Variants in SLC12A6 observed in about 807,000 individuals in gnomAD.
The protein encoded by SLC12A6 is K-Cl cotransporter 3.
A neutral mutation model predicts 135.3 loss-of-function variants in SLC12A6; 66 were observed. The observed-to-expected ratio is 0.49, with a 90% CI of 0.40 to 0.60. The LOEUF (loss-of-function observed/expected upper bound fraction) is 0.60. Among genes scored for constraint, SLC12A6 ranks in the 20% least tolerant of loss-of-function variants. The probability of loss-of-function intolerance (pLI) is 0.00; values close to 1 mark genes in which losing one functional copy is unlikely to be tolerated. For missense variants in SLC12A6, 1,058 were observed against 1,452.3 expected, an observed-to-expected ratio of 0.73 and a Z score of 4.41; for synonymous variants, 513 against 508.8, an observed-to-expected ratio of 1.01 and a Z score of -0.11.
intron 3 of SLC12A6, among the ~76,000 whole-genome samples, chr15:34,263,906 T>G (rs1893325656): frequency 6.6e-6 from 1 of 151,746 alleles, no homozygotes; most frequent in Non-Finnish European, 1.5e-5. Context: ...TGGATTGAAA[T>G]GCAAATTTAT....
At chr15:34,257,945 A>C in intron 5 of SLC12A6, 157 bp from the exon 6 acceptor site, 58 of 616,770 alleles carry the variant, frequency 9.4e-5, no homozygotes, top group Non-Finnish European at 1.3e-4. Flanking sequence ...TAAAATCTCC[A>C]TCTTTCAAGT....
In SLC12A6 at chr15:34,245,380, A is replaced by G. The variant is rs2140689987; in HGVS notation, c.1848T>C (p.Asn616=). 1 of 1,611,792 alleles carries G rather than the reference A, an allele frequency of 6.2e-7. No individual in the cohort carries two copies. Among genetic ancestry groups the G allele is most frequent in the Non-Finnish European group, 8.5e-7 (1 of 1,177,816 alleles). ...FLRVFGHSKA[N]GEPTWALLLT... is the part of the protein sequence containing the mutation. Reference sequence around the variant, plus strand: ...GAAGTAAAGCCCAGGTAGGTTCCCCATTGGCTTTGCTGTGGCCAAAAACCT... The same window carrying G: ...GAAGTAAAGCCCAGGTAGGTTCCCCGTTGGCTTTGCTGTGGCCAAAAACCT... The change falls in exon 15 of 26, where the codon AAT becomes AAC. Residue 616 remains asparagine, a synonymous_variant. Coordinates refer to ENST00000354181, the MANE Select transcript of SLC12A6 (RefSeq NM_001365088.1).
At chr15:34,290,006 T>C (rs2140963093) in intron 2 of SLC12A6, among the ~76,000 whole-genome samples, 1 of 152,346 alleles carries the variant, frequency 6.6e-6, no homozygotes, top group African/African-American at 2.4e-5. Context: ...TAACTATTTC[T>C]TGCCTTCTGC....
chr15:34,261,586 C>T (rs1426093273), intron 3 of SLC12A6, among the ~76,000 whole-genome samples: 1 of 152,126 alleles, frequency 6.6e-6, no homozygotes, highest in Non-Finnish European at 1.5e-5. Context: ...GCGTGAGCCA[C>T]TTGCACCCAG....
At chr15:34,284,181 C>T (rs1447711407) in intron 2 of SLC12A6, among the ~76,000 whole-genome samples, 2 of 151,860 alleles carry the variant, frequency 1.3e-5, no homozygotes, top group East Asian at 3.9e-4. Context: ...TGTAGTGAAG[C>T]TGATGGAGGG....
intron 3 of SLC12A6, among the ~76,000 whole-genome samples, chr15:34,265,419 A>G (rs1461034897): frequency 2.6e-5 from 4 of 151,102 alleles, no homozygotes; most frequent in Non-Finnish European, 5.9e-5. Flanking sequence ...AAAAAAACAA[A>G]CAAAAAAGAC....
intron 21 of SLC12A6, among the ~76,000 whole-genome samples, chr15:34,237,835 C>T (rs541714650): frequency 2.0e-5 from 3 of 152,178 alleles, no homozygotes; most frequent in Admixed American, 1.3e-4. Flanking sequence ...GACAGTGTAT[C>T]AATGACAACA....
chr15:34,277,449 CTA>C (rs138293363), intron 2 of SLC12A6, among the ~76,000 whole-genome samples: 2 of 150,884 alleles, frequency 1.3e-5, no homozygotes, highest in African/African-American at 2.4e-5. Flanking sequence ...CAACCCCCCA[CTA>C]TATATATATA....
In SLC12A6 at chr15:34,275,425, T is replaced by C. The variant is rs532847114; in HGVS notation, c.272-36A>G. On this transcript the variant is annotated intron_variant, in intron 2 of 25. Transcript: ENST00000354181. ...AACAATTGAAAAGAAAAGAAAAAAA[T>C]GAATGATCAAAACAAATAATTTCTT... The C allele has an allele frequency of 2.3e-5, 28 of 1,203,680 alleles. 1 individual carries two copies. The South Asian group carries it at 3.1e-4, about 13-fold the overall frequency. 74.6% of individuals were successfully genotyped at this position (1,203,680 alleles called of 1,614,324 possible). A position where few individuals can be genotyped will look rare whatever the true frequency, so the allele number is the denominator to read the frequency against.
intron 21 of SLC12A6, among the ~76,000 whole-genome samples, chr15:34,237,827 CAG>C (rs1266799343): frequency 6.6e-6 from 1 of 152,176 alleles, no homozygotes; most frequent in Non-Finnish European, 1.5e-5. Flanking sequence ...TTTATTCAGA[CAG>C]TGTATCAATG....
intron 2 of SLC12A6, among the ~76,000 whole-genome samples, chr15:34,330,489 A>G (rs898768286): frequency 6.6e-6 from 1 of 150,612 alleles, no homozygotes; most frequent in African/African-American, 2.5e-5. Context: ...CCTGGGCAAC[A>G]TGGTAAAACC....
At chr15:34,335,021 A>G (rs1890108799) in intron 2 of SLC12A6, among the ~76,000 whole-genome samples, 3 of 152,240 alleles carry the variant, frequency 2.0e-5, no homozygotes, top group Non-Finnish European at 2.9e-5. Context: ...ATATTAAGAA[A>G]TTAACACTGG....
intron 13 of SLC12A6, among the ~76,000 whole-genome samples, chr15:34,248,460 CAAT>C (rs1047163648): frequency 6.6e-5 from 10 of 151,954 alleles, no homozygotes; most frequent in African/African-American, 2.4e-4. Context: ...TTTACACTCT[CAAT>C]AATAATTTTT....
At position 34,238,214 on chromosome 15, in the gene SLC12A6, A is replaced by G; in HGVS notation, c.2802+18T>C. Reference sequence around the variant, plus strand: ...GAAGGGAGAAAGACTTTTGTAAAAAAAAAGTTGTATAAAATACCTTGTGCT... The same window carrying G: ...GAAGGGAGAAAGACTTTTGTAAAAAGAAAGTTGTATAAAATACCTTGTGCT... On this transcript the variant is annotated intron_variant, in intron 21 of 25. Transcript: ENST00000354181. 6.3e-7 allele frequency: 1 copy of G among 1,595,424 alleles called. No homozygotes were observed. The highest frequency in any genetic ancestry group is 8.6e-7 in the Non-Finnish European group (1 of 1,162,854).
intron 2 of SLC12A6, among the ~76,000 whole-genome samples, chr15:34,282,952 G>A (rs540947653): frequency 3.3e-5 from 5 of 152,314 alleles, no homozygotes; most frequent in East Asian, 1.9e-4. Context: ...ATATCTGAGC[G>A]ACTAATAAGT....
At chr15:34,265,362 T>C (rs775604750) in intron 3 of SLC12A6, among the ~76,000 whole-genome samples, 112 of 148,880 alleles carry the variant, frequency 7.5e-4, no homozygotes, top group Non-Finnish European at 3.0e-4. Flanking sequence ...TATACTGAAG[T>C]TACAGAAGAC....
chr15:34,255,058 G>A (rs1309611992), intron 8 of SLC12A6, among the ~76,000 whole-genome samples: 1 of 152,148 alleles, frequency 6.6e-6, no homozygotes, highest in East Asian at 1.9e-4. Flanking sequence ...GCAGAGTGGT[G>A]GCAATCAGGT....
chr15:34,246,963 A>C (rs1393013663), intron 13 of SLC12A6, among the ~76,000 whole-genome samples: 1 of 152,206 alleles, frequency 6.6e-6, no homozygotes, highest in African/African-American at 2.4e-5. Context: ...GTTATGGCAG[A>C]TTCTTAAGAG....
intron 3 of SLC12A6, 53 bp from the exon 4 acceptor site, chr15:34,261,073 A>C (rs1893089378): frequency 3.3e-6 from 3 of 906,734 alleles, no homozygotes; most frequent in Non-Finnish European, 5.6e-6. Context: ...CTGACGAAGA[A>C]ACATCAGCAC....
Sources: gnomAD v4.1 joint callset for allele counts (sites outside exome capture counted in the v4.1 genomes callset) on GRCh38, gnomAD v4.1.1 for gene constraint, MANE v1.5 for transcripts, NCBI Gene and HGNC (gene_info 2026-07-23, HGNC 2026-07-21) for gene names.